Variants in PLCB4 observed in about 807,000 individuals in gnomAD.
The protein encoded by PLCB4 is phospholipase C beta 4, also known as 1-phosphatidylinositol 4,5-bisphosphate phosphodiesterase beta-4.
In PLCB4, 77 loss-of-function variants were observed where a neutral mutation model predicts 178.8. The ratio of observed to expected loss-of-function variants is 0.43; its 90% CI spans 0.36 to 0.52. The LOEUF (loss-of-function observed/expected upper bound fraction) is 0.52, where lower values mean the gene tolerates loss of function less well. Ranked by LOEUF, PLCB4 falls within the 20% of genes least tolerant of loss-of-function variation. The pLI is 0.00. For synonymous variants in PLCB4, 496 were observed against 490.8 expected, an observed-to-expected ratio of 1.01 and a Z score of -0.14; for missense variants, 1,024 against 1,453.4, an observed-to-expected ratio of 0.70 and a Z score of 4.80.
chr20:9,108,898 CAAG>C (rs2091472414), intron 2 of PLCB4, among the ~76,000 whole-genome samples: 1 of 71,120 alleles, frequency 1.4e-5, no homozygotes, highest in South Asian at 6.1e-4. Flanking sequence ...AGAGAGAAAA[CAAG>C]AGAGAGAGAG....
At chr20:9,312,490 A>T (rs568753970) in intron 4 of PLCB4, among the ~76,000 whole-genome samples, 1 of 151,852 alleles carries the variant, frequency 6.6e-6, no homozygotes, top group South Asian at 2.1e-4. Context: ...GTCAATACAA[A>T]CCTAAAGTCA....
chr20:9,436,374 T>G (rs535400132), intron 29 of PLCB4, among the ~76,000 whole-genome samples: 1 of 152,336 alleles, frequency 6.6e-6, no homozygotes, highest in East Asian at 1.9e-4. Flanking sequence ...TTTTAACAGA[T>G]AGGATCTCGC....
chr20:9,302,022 T>C (rs1378791713), intron 3 of PLCB4, among the ~76,000 whole-genome samples: 1 of 152,108 alleles, frequency 6.6e-6, no homozygotes, highest in African/African-American at 2.4e-5. Context: ...AGAAGGTGGA[T>C]CCTTTCCTGT....
intron 1 of PLCB4, among the ~76,000 whole-genome samples, chr20:9,071,490 T>A (rs2089571490): frequency 6.6e-6 from 1 of 152,186 alleles, no homozygotes; most frequent in Non-Finnish European, 1.5e-5. Flanking sequence ...TTCCTTGTGA[T>A]CACATTAGCA....
Position 9,298,578 on chromosome 20 carries a change from A to G in PLCB4, c.-15-9222A>G, listed in dbSNP as rs71334852. Among the ~76,000 whole-genome samples the G allele has an allele frequency of 2.4e-3, 358 of 152,264 alleles. 5 individuals are homozygous for G. Among genetic ancestry groups the G allele is most frequent in the Non-Finnish European group, 3.8e-3 (258 of 67,994 alleles). Reference sequence around the variant, plus strand: ...AACCTATAACACGATCACAAATGTCATCTAATACATTTATAAACCTGGATC... The same window carrying G: ...AACCTATAACACGATCACAAATGTCGTCTAATACATTTATAAACCTGGATC... On this transcript the variant is annotated intron_variant, in intron 3 of 39. Coordinates refer to ENST00000378473, the MANE Select transcript of PLCB4 (RefSeq NM_001377142.1).
chr20:9,397,338 C>A (rs978818776), intron 19 of PLCB4, among the ~76,000 whole-genome samples: 1 of 152,196 alleles, frequency 6.6e-6, no homozygotes, highest in African/African-American at 2.4e-5. Flanking sequence ...ACTCTTTCTA[C>A]CACCTCTGCA....
intron 2 of PLCB4, among the ~76,000 whole-genome samples, chr20:9,167,442 G>C (rs1420898030): frequency 6.6e-6 from 1 of 151,922 alleles, no homozygotes; most frequent in Non-Finnish European, 1.5e-5. Context: ...TGTTTTGATT[G>C]CCACTTTTTT....
At chr20:9,122,384 C>T (rs906186778) in intron 2 of PLCB4, among the ~76,000 whole-genome samples, 7 of 151,870 alleles carry the variant, frequency 4.6e-5, no homozygotes, top group East Asian at 1.9e-4. Flanking sequence ...TTACGTCCTA[C>T]GTGATTTTGT....
intron 7 of PLCB4, among the ~76,000 whole-genome samples, chr20:9,346,698 A>T (rs1476881489): frequency 1.3e-5 from 2 of 152,212 alleles, no homozygotes; most frequent in African/African-American, 4.8e-5. Context: ...AGCTGTCCGG[A>T]GTGCAGAGCT....
At chr20:9,306,061 G>A (rs1490516883) in intron 3 of PLCB4, among the ~76,000 whole-genome samples, 1 of 152,140 alleles carries the variant, frequency 6.6e-6, no homozygotes, top group South Asian at 2.1e-4. Context: ...TTCTTCTACT[G>A]TTACTTTATT....
intron 28 of PLCB4, among the ~76,000 whole-genome samples, chr20:9,431,163 G>A (rs1423380830): frequency 1.3e-5 from 2 of 152,106 alleles, no homozygotes; most frequent in Admixed American, 1.3e-4. Context: ...CCTCTTTCTG[G>A]CTTCTGGTGG....
chr20:9,333,176 T>C (rs2031948526), intron 4 of PLCB4, among the ~76,000 whole-genome samples: 1 of 152,194 alleles, frequency 6.6e-6, no homozygotes, highest in Non-Finnish European at 1.5e-5. Flanking sequence ...CATTTATTTT[T>C]AAGTTAATTT....
chr20:9,248,200 C>T (rs1415740798), intron 3 of PLCB4, among the ~76,000 whole-genome samples: 1 of 152,072 alleles, frequency 6.6e-6, no homozygotes, highest in Non-Finnish European at 1.5e-5. Context: ...CGTATATACA[C>T]ATAACATCGA....
chr20:9,269,711 C>G (rs1480896938), intron 3 of PLCB4, among the ~76,000 whole-genome samples: 1 of 152,146 alleles, frequency 6.6e-6, no homozygotes, highest in East Asian at 1.9e-4. Flanking sequence ...GTATTTCACA[C>G]AGGAAAGATT....
At chr20:9,206,959 A>G (rs1202638176) in intron 2 of PLCB4, among the ~76,000 whole-genome samples, 1 of 152,150 alleles carries the variant, frequency 6.6e-6, no homozygotes, top group Non-Finnish European at 1.5e-5. Flanking sequence ...TCTACTAAAA[A>G]TACAAAAATC....
chr20:9,403,744 A>C lies in PLCB4; in HGVS notation c.1612-1569A>C, dbSNP rs181737301. Among the ~76,000 whole-genome samples, 251 of 152,364 alleles carry C rather than the reference A, an allele frequency of 1.6e-3. 1 individual carries two copies. The highest frequency in any genetic ancestry group is 5.5e-3 in the African/African-American group (230 of 41,582). On this transcript the variant is annotated intron_variant, in intron 20 of 39. Transcript: ENST00000378473. ...AGTGATTGGCACATGAGTAGGTTCC[A>C]GTCTGTTTACACACCCATTCAGTCT...
intron 2 of PLCB4, among the ~76,000 whole-genome samples, chr20:9,210,541 C>G (rs2093662478): frequency 6.6e-6 from 1 of 152,092 alleles, no homozygotes. Context: ...ATCTGAAAAC[C>G]CAAGCTTTCT....
At chr20:9,467,369 T>G (rs1450503107) in intron 35 of PLCB4, among the ~76,000 whole-genome samples, 1 of 152,228 alleles carries the variant, frequency 6.6e-6, no homozygotes. Context: ...ATGGCACATG[T>G]ATACCTATGT....
chr20:9,310,483 G>A (rs1401958552), intron 4 of PLCB4, among the ~76,000 whole-genome samples: 4 of 152,060 alleles, frequency 2.6e-5, no homozygotes, highest in Non-Finnish European at 5.9e-5. Context: ...GGCCAGGGTG[G>A]GCAGATCAGT....
Sources: allele counts gnomAD v4.1 joint callset (sites outside exome capture counted in the v4.1 genomes callset), GRCh38; gene constraint gnomAD v4.1.1; transcripts MANE v1.5; gene names NCBI Gene and HGNC (gene_info 2026-07-23, HGNC 2026-07-21).